The following GNAQ variants were observed in gnomAD, a reference collection of about 807,000 sequenced individuals.
GNAQ encodes the protein G protein subunit alpha q, also known as guanine nucleotide-binding protein G(q) subunit alpha.
A neutral mutation model predicts 43.9 loss-of-function variants in GNAQ; 8 were observed. The ratio of observed to expected loss-of-function variants is 0.18; its 90% CI spans 0.11 to 0.33. The LOEUF is 0.33. Among genes scored for constraint, GNAQ ranks in the 10% least tolerant of loss-of-function variants. GNAQ has a pLI of 1.00. For missense variants in GNAQ, 158 were observed against 450.8 expected, an observed-to-expected ratio of 0.35 and a Z score of 5.88; for synonymous variants, 155 against 170.7, an observed-to-expected ratio of 0.91 and a Z score of 0.71.
chr9:77,895,675 A>G (rs1302665160), intron 2 of GNAQ, among the ~76,000 whole-genome samples: 2 of 152,112 alleles, frequency 1.3e-5, no homozygotes, highest in African/African-American at 2.4e-5. Context: ...TTCCTGATAC[A>G]GTTTGGCTCG....
intron 2 of GNAQ, among the ~76,000 whole-genome samples, chr9:77,863,234 G>T (rs1045118951): frequency 6.6e-6 from 1 of 152,004 alleles, no homozygotes; most frequent in African/African-American, 2.4e-5. Context: ...AAGGAAGAAA[G>T]GAAGGAAGGA....
chr9:77,944,049 A>G (rs1829352670), intron 1 of GNAQ, among the ~76,000 whole-genome samples: 1 of 151,628 alleles, frequency 6.6e-6, no homozygotes, highest in African/African-American at 2.4e-5. Context: ...CAATAGTGAG[A>G]AAATATGTTC....
At chr9:77,808,636 GACT>G (rs1826865906) in intron 3 of GNAQ, among the ~76,000 whole-genome samples, 1 of 152,034 alleles carries the variant, frequency 6.6e-6, no homozygotes, top group Non-Finnish European at 1.5e-5. Context: ...ATAGGATAAT[GACT>G]TCTCAGATAA....
At chr9:77,723,791 A>C (rs1825356104) in intron 6 of GNAQ, among the ~76,000 whole-genome samples, 1 of 152,192 alleles carries the variant, frequency 6.6e-6, no homozygotes, top group South Asian at 2.1e-4. Flanking sequence ...GGGAGGAAGG[A>C]AATGGGGTGT....
At position 78,030,403 on chromosome 9, in the gene GNAQ, T is replaced by C. The variant is rs1421880087; in HGVS notation, c.136+697A>G. The C allele has an allele frequency of 1.2e-5, 5 of 407,256 alleles. No individual in the cohort carries two copies. The East Asian group carries it at 2.3e-4, about 19-fold the overall frequency. The allele number at this position is 407,256 out of a possible 1,614,324, so 25.2% of individuals were successfully genotyped here. The stretch of plus-strand genomic sequence containing the variant: ...ACTCTTCTAGGCTCCCTCCTTTCGA[T>C]GGTCTGGTGGCTAGAGAACAGCACT... On this transcript the variant is annotated intron_variant, in intron 1 of 6. Coordinates refer to ENST00000286548, the MANE Select transcript of GNAQ (RefSeq NM_002072.5).
At chr9:77,897,714 CG>C (rs1257412947) in intron 2 of GNAQ, among the ~76,000 whole-genome samples, 1 of 152,036 alleles carries the variant, frequency 6.6e-6, no homozygotes, top group Non-Finnish European at 1.5e-5. Flanking sequence ...ACCAAAAAAA[CG>C]TATGTTTGAG....
chr9:77,993,129 A>AAATTGAGTGCAAGTCAACTT (rs1823529083), intron 1 of GNAQ, among the ~76,000 whole-genome samples: 1 of 152,208 alleles, frequency 6.6e-6, no homozygotes. Context: ...GAAACTAATT[A>AAATTGAGTGCAAGTCAACTT]AATTCAGTGC....
chr9:77,727,126 C>G (rs1825409517), intron 6 of GNAQ, among the ~76,000 whole-genome samples: 1 of 150,378 alleles, frequency 6.6e-6, no homozygotes, highest in Admixed American at 6.6e-5. Context: ...CTCCCATCAC[C>G]CAGGCAGGAG....
intron 2 of GNAQ, among the ~76,000 whole-genome samples, chr9:77,842,945 A>G (rs1377108464): frequency 6.6e-6 from 1 of 152,332 alleles, no homozygotes; most frequent in African/African-American, 2.4e-5. Context: ...AAAGGGCTCA[A>G]ATGACAGACC....
intron 2 of GNAQ, among the ~76,000 whole-genome samples, chr9:77,908,735 T>C (rs1292603969): frequency 6.6e-6 from 1 of 152,216 alleles, no homozygotes; most frequent in Non-Finnish European, 1.5e-5. Flanking sequence ...GGTAGCCTAC[T>C]GGTGATTTCA....
intron 1 of GNAQ, among the ~76,000 whole-genome samples, chr9:77,960,084 T>C (rs952811380): frequency 1.3e-5 from 2 of 152,170 alleles, no homozygotes; most frequent in South Asian, 2.1e-4. Flanking sequence ...AGAATGGGTA[T>C]AGCTTTAGTT....
chr9:77,724,024 G>GTATT (rs572420506), intron 6 of GNAQ, among the ~76,000 whole-genome samples: 87 of 152,214 alleles, frequency 5.7e-4, no homozygotes, highest in African/African-American at 2.0e-3. Flanking sequence ...TTTTAAAAGT[G>GTATT]TATTTAATAG....
intron 5 of GNAQ, among the ~76,000 whole-genome samples, chr9:77,762,568 T>G (rs567242156): frequency 6.7e-6 from 1 of 149,508 alleles, no homozygotes; most frequent in East Asian, 2.0e-4. Flanking sequence ...GGAGCCCCTC[T>G]GCCCGGCCAC....
rs141883362 is a variant in GNAQ, at chr9:77,819,489, A to G, written c.322-3719T>C. 6.0e-3 allele frequency among the ~76,000 whole-genome samples: 921 copies of G among 152,272 alleles called. 11 individuals are homozygous for G. Among genetic ancestry groups the G allele is most frequent in the African/African-American group, 0.02 (851 of 41,548 alleles). ...TTTTCAAAATCTCATTAACAGCTGA[A>G]GGCGGCTTTAGACTGGAATGTCACA... On this transcript the variant is annotated intron_variant, in intron 2 of 6. Coordinates refer to ENST00000286548, the MANE Select transcript of GNAQ (RefSeq NM_002072.5).
chr9:77,920,033 G>A (rs1055490673), intron 2 of GNAQ, among the ~76,000 whole-genome samples: 1 of 152,054 alleles, frequency 6.6e-6, no homozygotes, highest in Non-Finnish European at 1.5e-5. Flanking sequence ...CAGCTACTTG[G>A]GATGCTGAGG....
rs143736563 is a variant in GNAQ, at chr9:77,929,043, A to G, written c.137-6698T>C. On this transcript the variant is annotated intron_variant, in intron 1 of 6. Coordinates refer to ENST00000286548, the MANE Select transcript of GNAQ (RefSeq NM_002072.5). Reference sequence around the variant, plus strand: ...AATAAATAAATAAAAATAAAATGGTAAATTATGGTATATAAATATCTCAAT... The same window carrying G: ...AATAAATAAATAAAAATAAAATGGTGAATTATGGTATATAAATATCTCAAT... Among the ~76,000 whole-genome samples the G allele has an allele frequency of 7.0e-3, 1,069 of 152,330 alleles. 20 individuals carry two copies. Among genetic ancestry groups the G allele is most frequent in the African/African-American group, 0.024 (992 of 41,570 alleles).
intron 1 of GNAQ, among the ~76,000 whole-genome samples, chr9:77,939,708 G>C (rs752767618): frequency 1.3e-5 from 2 of 152,292 alleles, no homozygotes; most frequent in Non-Finnish European, 2.9e-5. Context: ...CCTAATTTTA[G>C]AGTAGGTAAT....
intron 1 of GNAQ, among the ~76,000 whole-genome samples, chr9:78,029,033 T>C (rs918543494): frequency 1.1e-4 from 16 of 152,208 alleles, no homozygotes; most frequent in Admixed American, 4.6e-4. Context: ...GTTTACACTT[T>C]TTCTCAGAAA....
At chr9:77,891,509 T>A (rs1420395880) in intron 2 of GNAQ, among the ~76,000 whole-genome samples, 1 of 152,232 alleles carries the variant, frequency 6.6e-6, no homozygotes, top group Non-Finnish European at 1.5e-5. Flanking sequence ...TAAGTTCCTT[T>A]TGTAAGGCTG....
Sources: allele counts gnomAD v4.1 joint callset (sites outside exome capture counted in the v4.1 genomes callset), GRCh38; gene constraint gnomAD v4.1.1; transcripts MANE v1.5; gene names NCBI Gene and HGNC (gene_info 2026-07-23, HGNC 2026-07-21).